Variants in KCNK17 observed in about 807,000 individuals in gnomAD.
KCNK17 encodes potassium channel subfamily K member 17.
A neutral mutation model predicts 24.6 loss-of-function variants in KCNK17; 27 were observed. That is an observed-to-expected ratio of 1.10 (90% CI 0.81 to 1.51). The LOEUF (loss-of-function observed/expected upper bound fraction) is 1.51, where lower values mean the gene tolerates loss of function less well. Among genes scored for constraint, KCNK17 ranks in the 40% most tolerant of loss-of-function variants. KCNK17 has a pLI of 0.00. For missense variants in KCNK17, 450 were observed against 436.6 expected (o/e 1.03, Z -0.27); for synonymous variants, 181 against 189.8 (o/e 0.95, Z 0.38).
intron 4 of KCNK17, among the ~76,000 whole-genome samples, chr6:39,301,557 C>T (rs550363624): frequency 2.6e-5 from 4 of 152,382 alleles, no homozygotes; most frequent in Non-Finnish European, 5.9e-5. Context: ...GGCTCTCTGG[C>T]CCTGCCACCC....
Position 39,314,347 on chromosome 6 carries a change from G to A in KCNK17, c.-27C>T, listed in dbSNP as rs764280915. 2.9e-6 allele frequency: 4 copies of A among 1,375,310 alleles called. No homozygotes were observed. The highest frequency in any genetic ancestry group is 3.1e-5 in the Admixed American group (1 of 32,552). 85.2% of individuals were successfully genotyped at this position (1,375,310 alleles called of 1,614,324 possible). ...GCGGGAGAGGCGGGGAGCCGGCGCC[G>A]GGAGCGGTGGACTAGGACCCGGTGG... On this transcript the variant is annotated 5_prime_UTR_variant, in exon 1 of 5. Coordinates refer to ENST00000373231, the MANE Select transcript of KCNK17 (RefSeq NM_031460.4).
At position 39,299,159 on chromosome 6, in the gene KCNK17, C is replaced by T. The variant is rs748745472; in HGVS notation, c.*268G>A. On this transcript the variant is annotated 3_prime_UTR_variant, in exon 5 of 5. Coordinates refer to ENST00000373231, the MANE Select transcript of KCNK17 (RefSeq NM_031460.4). The stretch of plus-strand genomic sequence containing the variant: ...CTACTTCATGGTGCCGTATGGCTGC[C>T]AGAGCTCCCAGCCATCATATCGGCG... 4 of 474,200 alleles carry T rather than the reference C, an allele frequency of 8.4e-6. No homozygotes were observed. Among genetic ancestry groups the T allele is most frequent in the Non-Finnish European group, 1.1e-5 (3 of 265,510 alleles). The allele number at this position is 474,200 out of a possible 1,614,324, so 29.4% of individuals were successfully genotyped here.
Position 39,299,688 on chromosome 6 carries a change from G to A in KCNK17, c.738C>T (p.Ser246=), listed in dbSNP as rs774106309. ...ATGCCATCCCAAAGAGGATCCACAG[G>A]GACACCATGTTCTTGTACCACAGTG... is the stretch of plus-strand genomic sequence containing the variant. ...RYPLWYKNMV[S]LWILFGMAWL... The change falls in exon 5 of 5, where the codon TCC becomes TCT. Residue 246 remains serine, a synonymous_variant. Coordinates refer to ENST00000373231, the MANE Select transcript of KCNK17 (RefSeq NM_031460.4). The A allele has an allele frequency of 8.7e-6, 14 of 1,614,100 alleles. No individual in the cohort carries two copies. The Admixed American group carries it at 2.3e-4, about 27-fold the overall frequency.
At position 39,300,275 on chromosome 6, in the gene KCNK17, G is replaced by C. The variant is rs531725339; in HGVS notation, c.689-538C>G. The C allele has an allele frequency of 2.5e-5, 14 of 566,256 alleles. No individual in the cohort carries two copies. In the South Asian group the frequency reaches 2.7e-4, roughly 11 times the overall value. The allele number at this position is 566,256 out of a possible 1,614,324, so 35.1% of individuals were successfully genotyped here. On this transcript the variant is annotated intron_variant, in intron 4 of 4. Transcript: ENST00000373231. ...GTAGCCGGGACTACAGGCGCCTGCC[G>C]CCACGCCCGGCTATTTTTTTGTATT... is the stretch of plus-strand genomic sequence containing the variant.
intron 2 of KCNK17, among the ~76,000 whole-genome samples, chr6:39,307,890 C>A (rs895445304): frequency 1.3e-5 from 2 of 152,206 alleles, no homozygotes; most frequent in Non-Finnish European, 2.9e-5. Flanking sequence ...CTTACTGCTC[C>A]CCAAACACAC....
intron 4 of KCNK17, among the ~76,000 whole-genome samples, chr6:39,302,678 C>T (rs543544897): frequency 1.6e-4 from 24 of 152,242 alleles, no homozygotes; most frequent in African/African-American, 5.3e-4. Context: ...CTCTGAGCTG[C>T]GAGGGTGCAG....
At chr6:39,303,861 G>C in intron 4 of KCNK17, 96 bp downstream of exon 4, 1 of 1,365,422 alleles carries the variant, frequency 7.3e-7, no homozygotes, top group South Asian at 1.3e-5. Context: ...CCCCCACATG[G>C]CGTGCACACA....
chr6:39,301,679 C>T (rs939715964), intron 4 of KCNK17, among the ~76,000 whole-genome samples: 1 of 152,212 alleles, frequency 6.6e-6, no homozygotes, highest in Non-Finnish European at 1.5e-5. Flanking sequence ...GCTGGCAAGG[C>T]GCTCAACTGA....
chr6:39,300,774 G>C (rs999919217), intron 4 of KCNK17, among the ~76,000 whole-genome samples: 1 of 151,986 alleles, frequency 6.6e-6, no homozygotes, highest in South Asian at 2.1e-4. Flanking sequence ...CTGCCTCTGG[G>C]CTTTTGTACT....
In KCNK17 at chr6:39,311,121, A is replaced by C. The variant is rs553880020; in HGVS notation, c.238-114T>G. On this transcript the variant is annotated intron_variant, in intron 1 of 4. Coordinates refer to ENST00000373231, the MANE Select transcript of KCNK17 (RefSeq NM_031460.4). ...ACACACACACACACACACACACACA[A>C]ACAAACCTACACACACAGCCCTCAC... 5.0e-4 allele frequency: 248 copies of C among 494,826 alleles called. 6 individuals are homozygous for C. Among genetic ancestry groups the C allele is most frequent in the African/African-American group, 3.2e-3 (123 of 38,828 alleles). The allele number at this position is 494,826 out of a possible 1,614,324, so 30.7% of individuals were successfully genotyped here.
intron 2 of KCNK17, among the ~76,000 whole-genome samples, chr6:39,305,041 C>T (rs1242113198): frequency 6.6e-6 from 1 of 152,216 alleles, no homozygotes; most frequent in African/African-American, 2.4e-5. Flanking sequence ...AGCTGTTGCA[C>T]TCTTAGGATC....
At chr6:39,303,370 G>A (rs1449614170) in intron 4 of KCNK17, among the ~76,000 whole-genome samples, 1 of 152,182 alleles carries the variant, frequency 6.6e-6, no homozygotes, top group African/African-American at 2.4e-5. Flanking sequence ...GCCACCTGCT[G>A]GGCATCGGAC....
intron 1 of KCNK17, among the ~76,000 whole-genome samples, chr6:39,311,812 T>C (rs958304385): frequency 6.6e-6 from 1 of 152,076 alleles, no homozygotes; most frequent in Non-Finnish European, 1.5e-5. Context: ...TTTAGGTAGA[T>C]GGGACAGCAG....
In KCNK17 at chr6:39,304,073, A is replaced by G; in HGVS notation, c.572T>C (p.Leu191Pro). 6.2e-7 allele frequency: 1 copy of G among 1,613,188 alleles called. No individual in the cohort carries two copies. The highest frequency in any genetic ancestry group is 8.5e-7 in the Non-Finnish European group (1 of 1,180,012). ...GAGCAGCGGTGGCAGCAGCAGGAAG[A>G]GCAGGAGGCCCGAGAGGAGGGCGCC... ...GSGALLSGLL[L>P]FLLLPPLLFS... is the part of the protein sequence containing the mutation. The change falls in exon 4 of 5, where the codon CTC (leucine) becomes CCC (proline). Residue 191 changes from leucine (L) to proline (P), a missense_variant. Coordinates refer to ENST00000373231, the MANE Select transcript of KCNK17 (RefSeq NM_031460.4).
intron 1 of KCNK17, among the ~76,000 whole-genome samples, chr6:39,312,929 G>C (rs1762167509): frequency 1.3e-5 from 2 of 152,180 alleles, no homozygotes; most frequent in Admixed American, 6.5e-5. Context: ...TCACCGAATC[G>C]GCCTAGTCCG....
At chr6:39,306,281 C>T (rs999693474) in intron 2 of KCNK17, among the ~76,000 whole-genome samples, 7 of 152,158 alleles carry the variant, frequency 4.6e-5, no homozygotes, top group African/African-American at 1.4e-4. Context: ...TGACCTCAGG[C>T]GATCTGCCCG....
chr6:39,312,766 G>A (rs1182699214), intron 1 of KCNK17, among the ~76,000 whole-genome samples: 4 of 152,176 alleles, frequency 2.6e-5, no homozygotes, highest in Non-Finnish European at 4.4e-5. Context: ...GCTTGTAGTC[G>A]AAGTTCACCA....
At chr6:39,309,319 G>A (rs1483185566) in intron 2 of KCNK17, among the ~76,000 whole-genome samples, 5 of 152,208 alleles carry the variant, frequency 3.3e-5, no homozygotes, top group Admixed American at 2.0e-4. Flanking sequence ...GCGAGACTCC[G>A]TCTCAAAAAA....
chr6:39,301,207 C>G (rs991505838), intron 4 of KCNK17, among the ~76,000 whole-genome samples: 7 of 152,224 alleles, frequency 4.6e-5, no homozygotes, highest in Non-Finnish European at 1.0e-4. Flanking sequence ...TTTGCCCTAT[C>G]ATTTAGTACC....
Sources: allele counts gnomAD v4.1 joint callset (sites outside exome capture counted in the v4.1 genomes callset), GRCh38; gene constraint gnomAD v4.1.1; transcripts MANE v1.5; gene names NCBI Gene and HGNC (gene_info 2026-07-23, HGNC 2026-07-21).